SRGAP1: variants seen among roughly 807,000 people sequenced by gnomAD.
The protein encoded by SRGAP1 is SLIT-ROBO Rho GTPase-activating protein 1.
A neutral mutation model predicts 121.9 loss-of-function variants in SRGAP1; 43 were observed. The ratio of observed to expected loss-of-function variants is 0.35; its 90% CI spans 0.28 to 0.46. The LOEUF (loss-of-function observed/expected upper bound fraction) is 0.46. Ranked by LOEUF, SRGAP1 falls within the 20% of genes least tolerant of loss-of-function variation. SRGAP1 has a pLI of 1.00. For synonymous variants in SRGAP1, 447 were observed against 485.4 expected (o/e 0.92, Z 1.04); for missense variants, 1,102 against 1,350.9 (o/e 0.82, Z 2.89).
chr12:63,873,580 G>A (rs1446380774), intron 1 of SRGAP1, among the ~76,000 whole-genome samples: 3 of 151,150 alleles, frequency 2.0e-5, no homozygotes, highest in Non-Finnish European at 4.4e-5. Context: ...GAGGAAAGTT[G>A]AATTTACCAG....
intron 8 of SRGAP1, among the ~76,000 whole-genome samples, chr12:64,078,275 A>G (rs1031652253): frequency 1.3e-5 from 2 of 152,252 alleles, no homozygotes; most frequent in African/African-American, 4.8e-5. Context: ...AAAAAAAATC[A>G]TCTATCAATA....
chr12:63,979,318 G>A (rs947382299), intron 1 of SRGAP1, among the ~76,000 whole-genome samples: 3 of 152,040 alleles, frequency 2.0e-5, no homozygotes, highest in Non-Finnish European at 4.4e-5. Context: ...GATTACAGGC[G>A]TGAGCCACCG....
intron 4 of SRGAP1, among the ~76,000 whole-genome samples, chr12:64,022,751 T>G (rs997556266): frequency 6.6e-6 from 1 of 152,028 alleles, no homozygotes; most frequent in Admixed American, 6.6e-5. Context: ...CCTCTTAGAG[T>G]TGTTGAATGA....
intron 2 of SRGAP1, among the ~76,000 whole-genome samples, chr12:63,988,352 A>G (rs2033470336): frequency 1.3e-5 from 2 of 152,106 alleles, no homozygotes; most frequent in African/African-American, 4.8e-5. Flanking sequence ...GTAGATAGGA[A>G]CTCTCAATAG....
chr12:64,118,257 C>CTTTTCG (rs1565688379), intron 18 of SRGAP1, among the ~76,000 whole-genome samples: 1 of 152,020 alleles, frequency 6.6e-6, no homozygotes, highest in African/African-American at 2.4e-5. Context: ...CAACGCTTAT[C>CTTTTCG]TTTTTGTTTT....
At chr12:64,118,195 T>A (rs1173027117) in intron 18 of SRGAP1, among the ~76,000 whole-genome samples, 1 of 152,232 alleles carries the variant, frequency 6.6e-6, no homozygotes, top group Non-Finnish European at 1.5e-5. Flanking sequence ...GATGTGCCAT[T>A]TTGTGTTCCC....
intron 3 of SRGAP1, among the ~76,000 whole-genome samples, chr12:63,998,230 A>G (rs1364254037): frequency 6.6e-6 from 1 of 152,234 alleles, no homozygotes; most frequent in Non-Finnish European, 1.5e-5. Context: ...GTAAATATTT[A>G]TTGAATGAAT....
chr12:63,924,774 G>A (rs1207686104), intron 1 of SRGAP1, among the ~76,000 whole-genome samples: 5 of 152,156 alleles, frequency 3.3e-5, no homozygotes, highest in Admixed American at 1.3e-4. Flanking sequence ...CTTGCTCCTT[G>A]AGAACCAGCC....
At chr12:63,894,342 C>T (rs889263931) in intron 1 of SRGAP1, among the ~76,000 whole-genome samples, 8 of 152,032 alleles carry the variant, frequency 5.3e-5, no homozygotes, top group Non-Finnish European at 1.0e-4. Context: ...CAACATATCA[C>T]TCTCACACTC....
chr12:63,907,619 G>C (rs2030278266), intron 1 of SRGAP1, among the ~76,000 whole-genome samples: 1 of 152,034 alleles, frequency 6.6e-6, no homozygotes, highest in Non-Finnish European at 1.5e-5. Context: ...ATATTTTCTA[G>C]ATATAAACTC....
intron 1 of SRGAP1, among the ~76,000 whole-genome samples, chr12:63,921,628 G>T (rs2031048163): frequency 6.6e-6 from 1 of 152,142 alleles, no homozygotes; most frequent in Non-Finnish European, 1.5e-5. Context: ...ACGTACATAT[G>T]CTCCCACGCC....
chr12:64,109,166 A>G, intron 16 of SRGAP1, 129 bp downstream of exon 16: 2 of 512,806 alleles, frequency 3.9e-6, no homozygotes, highest in East Asian at 3.2e-5. Flanking sequence ...ATACATTGAA[A>G]AATGTACTGA....
rs2036950660 is a variant in SRGAP1 at position 64,141,107 on chromosome 12, C to G, written c.2881-1188C>G. Among the ~76,000 whole-genome samples, 2 of 142,642 alleles carry G rather than the reference C, an allele frequency of 1.4e-5. 1 individual carries two copies. The highest frequency in any genetic ancestry group is 3.0e-5 in the Non-Finnish European group (2 of 66,620). 93.6% of individuals were successfully genotyped at this position (142,642 alleles called of 152,430 possible). A position where few individuals can be genotyped will look rare whatever the true frequency, so the allele number is the denominator to read the frequency against. ...TGGACACAGGAAGGGGAATATCACA[C>G]TCTGGGGACTGTTGTGGGGTGGGTG... On this transcript the variant is annotated intron_variant, in intron 21 of 21. Transcript: ENST00000355086.
Position 63,962,845 on chromosome 12 carries a change from G to A in SRGAP1, c.68-21102G>A, listed in dbSNP as rs546568998. ...GCTAATCCAAGTTGAATGTGCTGTC[G>A]GGGTAAAATGCACAGCAGATTTTGA... is the stretch of plus-strand genomic sequence containing the variant. On this transcript the variant is annotated intron_variant, in intron 1 of 21. Transcript: ENST00000355086. Among the ~76,000 whole-genome samples, 56 of 152,172 alleles carry A rather than the reference G, an allele frequency of 3.7e-4. 1 individual carries two copies. The South Asian group carries it at 7.9e-3, about 21-fold the overall frequency.
intron 8 of SRGAP1, among the ~76,000 whole-genome samples, chr12:64,077,739 C>T (rs2035764053): frequency 6.6e-6 from 1 of 151,634 alleles, no homozygotes; most frequent in East Asian, 1.9e-4. Flanking sequence ...TTAAATAGGA[C>T]ACAAAAAACA....
At chr12:64,027,008 C>G (rs2034668859) in intron 4 of SRGAP1, among the ~76,000 whole-genome samples, 1 of 152,052 alleles carries the variant, frequency 6.6e-6, no homozygotes, top group Admixed American at 6.6e-5. Context: ...TATTTTAATT[C>G]AGATTAGCAA....
chr12:64,138,749 C>T (rs757506198), intron 21 of SRGAP1, among the ~76,000 whole-genome samples: 3 of 152,176 alleles, frequency 2.0e-5, no homozygotes, highest in South Asian at 2.1e-4. Context: ...ACTGACTACA[C>T]TAGAAGACAA....
intron 4 of SRGAP1, among the ~76,000 whole-genome samples, chr12:64,018,105 G>A (rs2034453001): frequency 6.6e-6 from 1 of 152,060 alleles, no homozygotes; most frequent in Non-Finnish European, 1.5e-5. Flanking sequence ...TTGTTGGTTT[G>A]TTTTTGAGGA....
rs554475610 is a variant in SRGAP1 at position 64,018,478 on chromosome 12, G to A, written c.489+1466G>A. 3.6e-3 allele frequency among the ~76,000 whole-genome samples: 553 copies of A among 152,218 alleles called. 3 individuals are homozygous for A. The highest frequency in any genetic ancestry group is 0.011 in the African/African-American group (445 of 41,554). The stretch of plus-strand genomic sequence containing the variant: ...ATTCCATTTGTTCCTAAAAAGGCAC[G>A]TGTGTAAAATACAGTTTTGTAAATT... On this transcript the variant is annotated intron_variant, in intron 4 of 21. Transcript: ENST00000355086.
Sources: gnomAD v4.1 joint callset for allele counts (sites outside exome capture counted in the v4.1 genomes callset) on GRCh38, gnomAD v4.1.1 for gene constraint, MANE v1.5 for transcripts, NCBI Gene and HGNC (gene_info 2026-07-23, HGNC 2026-07-21) for gene names.